MAP4K3: variants seen among roughly 807,000 people sequenced by gnomAD.
MAP4K3 encodes the protein MAPK/ERK kinase kinase kinase 3.
MAP4K3 carries 94 observed loss-of-function variants against 143.5 expected under a neutral mutation model. That is an observed-to-expected ratio of 0.65 (90% CI 0.55 to 0.78). MAP4K3 has a LOEUF of 0.78. MAP4K3 is among the 30% of genes least tolerant of loss of function. The probability of loss-of-function intolerance (pLI) is 0.00; values close to 1 mark genes in which losing one functional copy is unlikely to be tolerated. For synonymous variants in MAP4K3, 416 were observed against 347.2 expected (o/e 1.20, Z -2.20); for missense variants, 1,077 against 1,068.1 (o/e 1.01, Z -0.12).
intron 28 of MAP4K3, among the ~76,000 whole-genome samples, chr2:39,263,048 T>C (rs367737707): frequency 6.6e-6 from 1 of 151,722 alleles, no homozygotes; most frequent in Non-Finnish European, 1.5e-5. Context: ...GCTGAGATCA[T>C]GCCACTGCAC....
rs1375453295 is a variant in MAP4K3 at position 39,249,535 on chromosome 2, TA to T, written c.*1082del. ...AAAACTAAGTTCCTGTGATGTGTAG[TA>T]ACCATTATATTGTTTGTATGAGGTA... On this transcript the variant is annotated 3_prime_UTR_variant, in exon 34 of 34. Coordinates refer to ENST00000263881, the MANE Select transcript of MAP4K3 (RefSeq NM_003618.4). The T allele has an allele frequency of 6.6e-6, 1 of 152,632 alleles. No homozygotes were observed. Among genetic ancestry groups the T allele is most frequent in the Non-Finnish European group, 1.5e-5 (1 of 68,018 alleles). The allele number at this position is 152,632 out of a possible 1,614,324, so 9.5% of individuals were successfully genotyped here.
chr2:39,328,242 G>A (rs111507630), intron 8 of MAP4K3, among the ~76,000 whole-genome samples: 3 of 152,242 alleles, frequency 2.0e-5, no homozygotes, highest in African/African-American at 4.8e-5. Flanking sequence ...GAGGTGGGAC[G>A]ATCGCTTGAG....
intron 1 of MAP4K3, among the ~76,000 whole-genome samples, chr2:39,401,951 T>C (rs1666964992): frequency 6.6e-6 from 1 of 151,906 alleles, no homozygotes; most frequent in African/African-American, 2.4e-5. Context: ...TTAATAATCA[T>C]GTAAAAAAGT....
At chr2:39,408,259 T>C (rs1268614291) in intron 1 of MAP4K3, among the ~76,000 whole-genome samples, 1 of 152,218 alleles carries the variant, frequency 6.6e-6, no homozygotes, top group Non-Finnish European at 1.5e-5. Context: ...TCCTTTGATA[T>C]TAGACAATGC....
intron 3 of MAP4K3, among the ~76,000 whole-genome samples, chr2:39,352,336 T>C (rs1193240716): frequency 6.6e-6 from 1 of 152,078 alleles, no homozygotes; most frequent in Admixed American, 6.6e-5. Flanking sequence ...CCCCTAAGCT[T>C]TATTGAGTTC....
intron 15 of MAP4K3, among the ~76,000 whole-genome samples, chr2:39,305,963 G>A (rs548227184): frequency 2.1e-4 from 32 of 152,170 alleles, no homozygotes; most frequent in African/African-American, 6.7e-4. Context: ...TGAGTAGCTG[G>A]AACTACAGGC....
intron 1 of MAP4K3, among the ~76,000 whole-genome samples, chr2:39,423,941 G>A (rs192512571): frequency 6.6e-6 from 1 of 152,230 alleles, no homozygotes; most frequent in African/African-American, 2.4e-5. Context: ...TATCAGTATT[G>A]GTTCATCAAT....
At chr2:39,330,875 A>T (rs1683660311) in intron 8 of MAP4K3, among the ~76,000 whole-genome samples, 1 of 152,174 alleles carries the variant, frequency 6.6e-6, no homozygotes, top group Non-Finnish European at 1.5e-5. Context: ...CTGTTAATTG[A>T]CTCAGCAAAG....
chr2:39,371,167 T>C lies in MAP4K3; in HGVS notation c.154+6899A>G, dbSNP rs75420574. On this transcript the variant is annotated intron_variant, in intron 2 of 33. Transcript: ENST00000263881. Reference sequence around the variant, plus strand: ...TACACGCCAGAGAAATCTTAGGGCATCTCACCAAAAGAAAAGATAAGAGTT... The same window carrying C: ...TACACGCCAGAGAAATCTTAGGGCACCTCACCAAAAGAAAAGATAAGAGTT... Among the ~76,000 whole-genome samples the C allele has an allele frequency of 7.0e-3, 1,065 of 152,190 alleles. 11 individuals are homozygous for C. The highest frequency in any genetic ancestry group is 0.024 in the African/African-American group (1,013 of 41,522).
At chr2:39,352,265 TG>T in intron 3 of MAP4K3, among the ~76,000 whole-genome samples, 1 of 152,240 alleles carries the variant, frequency 6.6e-6, no homozygotes, top group Middle Eastern at 3.4e-3. Flanking sequence ...CACAGCAGCC[TG>T]GGCGACAGAG....
intron 1 of MAP4K3, among the ~76,000 whole-genome samples, chr2:39,397,311 A>G (rs932042496): frequency 1.3e-5 from 2 of 152,226 alleles, no homozygotes; most frequent in Non-Finnish European, 2.9e-5. Context: ...TGAAAAGAAT[A>G]TACAAAGATC....
At chr2:39,436,245 G>A (rs1296772649) in intron 1 of MAP4K3, among the ~76,000 whole-genome samples, 2 of 151,304 alleles carry the variant, frequency 1.3e-5, no homozygotes, top group Admixed American at 1.3e-4. Flanking sequence ...AAGTATTCAA[G>A]TCACTTTTTA....
intron 1 of MAP4K3, among the ~76,000 whole-genome samples, chr2:39,427,175 A>G (rs1000238453): frequency 6.6e-6 from 1 of 152,116 alleles, no homozygotes; most frequent in African/African-American, 2.4e-5. Flanking sequence ...AAGATCTTCA[A>G]AGTGCTGAGA....
intron 1 of MAP4K3, among the ~76,000 whole-genome samples, chr2:39,413,456 T>C (rs567057589): frequency 6.6e-6 from 1 of 152,164 alleles, no homozygotes; most frequent in Admixed American, 6.5e-5. Context: ...GTACAGTCAG[T>C]GGTCAGATAC....
At chr2:39,308,071 G>A in intron 14 of MAP4K3, 66 bp from the exon 15 acceptor site, 1 of 1,143,294 alleles carries the variant, frequency 8.7e-7, no homozygotes. Flanking sequence ...AATTCACAAA[G>A]GGAAACTTTC....
At chr2:39,430,881 A>T (rs1279080065) in intron 1 of MAP4K3, among the ~76,000 whole-genome samples, 1 of 152,198 alleles carries the variant, frequency 6.6e-6, no homozygotes, top group Non-Finnish European at 1.5e-5. Flanking sequence ...CCTCCTCTGC[A>T]AGGCCTGCTG....
At chr2:39,422,501 A>G (rs111843229) in intron 1 of MAP4K3, among the ~76,000 whole-genome samples, 37 of 152,332 alleles carry the variant, frequency 2.4e-4, no homozygotes, top group African/African-American at 8.9e-4. Flanking sequence ...TCAGACTTCT[A>G]GCCTCCAGAA....
chr2:39,282,419 A>C, intron 22 of MAP4K3, 94 bp downstream of exon 22: 1 of 1,000,640 alleles, frequency 1.0e-6, no homozygotes, highest in Non-Finnish European at 1.5e-6. Context: ...AATAATAATG[A>C]AAGTTCTTTC....
intron 2 of MAP4K3, among the ~76,000 whole-genome samples, chr2:39,376,411 T>G (rs1666219930): frequency 6.6e-6 from 1 of 152,220 alleles, no homozygotes; most frequent in South Asian, 2.1e-4. Flanking sequence ...TATTCTACTT[T>G]TATTACATTG....
Sources: gnomAD v4.1 joint callset for allele counts (sites outside exome capture counted in the v4.1 genomes callset) on GRCh38, gnomAD v4.1.1 for gene constraint, MANE v1.5 for transcripts, NCBI Gene and HGNC (gene_info 2026-07-23, HGNC 2026-07-21) for gene names.